DSCAM: variants seen among roughly 807,000 people sequenced by gnomAD.
The protein encoded by DSCAM is DS cell adhesion molecule.
DSCAM carries 47 observed loss-of-function variants against 217.7 expected under a neutral mutation model. That is an observed-to-expected ratio of 0.22 (90% CI 0.17 to 0.28). The LOEUF (loss-of-function observed/expected upper bound fraction) is 0.28. Among genes scored for constraint, DSCAM ranks in the 10% least tolerant of loss-of-function variants. The pLI, the probability that DSCAM is intolerant of heterozygous loss-of-function variation, is 1.00. For synonymous variants in DSCAM, 1,056 were observed against 1,015.3 expected (o/e 1.04, Z -0.76); for missense variants, 2,080 against 2,618.3 (o/e 0.79, Z 4.49).
chr21:40,137,362 G>A lies in DSCAM; in HGVS notation c.3407-3353C>T, dbSNP rs79588197. ...TTTTAAGATTTCTAAAACTACCTGA[G>A]CCACAGTTGGCTCTATCTGCTAGAA... On this transcript the variant is annotated intron_variant, in intron 18 of 32. Transcript: ENST00000400454. Among the ~76,000 whole-genome samples, 1,063 of 151,932 alleles carry A rather than the reference G, an allele frequency of 7.0e-3. 8 individuals carry two copies. Among genetic ancestry groups the A allele is most frequent in the African/African-American group, 0.024 (1,002 of 41,390 alleles).
chr21:40,551,329 A>G (rs564621994), intron 3 of DSCAM, among the ~76,000 whole-genome samples: 1 of 152,316 alleles, frequency 6.6e-6, no homozygotes, highest in African/African-American at 2.4e-5. Flanking sequence ...CTGATTGACA[A>G]TTGGTTGGAA....
chr21:40,586,134 G>C (rs191046427), intron 3 of DSCAM, among the ~76,000 whole-genome samples: 15 of 152,298 alleles, frequency 9.8e-5, no homozygotes, highest in African/African-American at 2.9e-4. Context: ...TGGGATTATA[G>C]ACATGAGCCA....
At chr21:40,595,270 C>G (rs1015652344) in intron 3 of DSCAM, among the ~76,000 whole-genome samples, 1 of 151,882 alleles carries the variant, frequency 6.6e-6, no homozygotes, top group South Asian at 2.1e-4. Flanking sequence ...CCCAGCTACT[C>G]AGGAGGCTGA....
At chr21:40,326,230 A>G (rs945959949) in intron 8 of DSCAM, among the ~76,000 whole-genome samples, 16 of 152,234 alleles carry the variant, frequency 1.1e-4, no homozygotes, top group Admixed American at 2.0e-4. Flanking sequence ...AAAAGTTGAC[A>G]AAACAAAAAC....
chr21:40,455,242 G>A (rs1005151840), intron 3 of DSCAM, among the ~76,000 whole-genome samples: 5 of 152,218 alleles, frequency 3.3e-5, no homozygotes, highest in East Asian at 1.9e-4. Context: ...TTATTGAGCC[G>A]ACGAATCATT....
chr21:40,301,613 T>A (rs2074015887), intron 9 of DSCAM, among the ~76,000 whole-genome samples: 1 of 152,236 alleles, frequency 6.6e-6, no homozygotes, highest in Non-Finnish European at 1.5e-5. Flanking sequence ...ATTACGCTCA[T>A]CTGGTATTGC....
chr21:40,846,861 G>T lies in DSCAM; in HGVS notation c.-200C>A, dbSNP rs190056196. 1,759 of 150,724 alleles carry T rather than the reference G, an allele frequency of 0.012. 34 individuals carry two copies. Among genetic ancestry groups the T allele is most frequent in the African/African-American group, 0.041 (1,680 of 41,116 alleles). The allele number at this position is 150,724 out of a possible 1,614,324, so 9.3% of individuals were successfully genotyped here. On this transcript the variant is annotated 5_prime_UTR_variant, in exon 1 of 33. Coordinates refer to ENST00000400454, the MANE Select transcript of DSCAM (RefSeq NM_001389.5). ...GGAGCGAGGGCTGCGCTCGCCGCGC[G>T]CTGCGCTCCTGCACACCTGCTCCCG...
At position 40,202,313 on chromosome 21, in the gene DSCAM, G is replaced by C. The variant is rs541371048; in HGVS notation, c.2357-13075C>G. Among the ~76,000 whole-genome samples, 3 of 152,288 alleles carry C rather than the reference G, an allele frequency of 2.0e-5. No individual in the cohort carries two copies. The South Asian group carries it at 6.2e-4, about 32-fold the overall frequency. ...TGTCTGAAGCCATGTTCTAACTTTT[G>C]AGCAGCTGCTTTATGTACAGCTGTT... On this transcript the variant is annotated intron_variant, in intron 11 of 32. Transcript: ENST00000400454.
rs114255483 is a variant in DSCAM, at chr21:40,768,872, G to A, written c.44-60101C>T. On this transcript the variant is annotated intron_variant, in intron 1 of 32. Transcript: ENST00000400454. ...GGGTATGGAAGATCTTATAGAACAAGAGGAAAAAACAAGGCATTTTCTTTG... is the reference window on the plus strand; with the variant it reads ...GGGTATGGAAGATCTTATAGAACAAAAGGAAAAAACAAGGCATTTTCTTTG... Among the ~76,000 whole-genome samples, 138 of 152,292 alleles carry A rather than the reference G, an allele frequency of 9.1e-4. 1 individual carries two copies. Among genetic ancestry groups the A allele is most frequent in the African/African-American group, 3.2e-3 (131 of 41,578 alleles).
At chr21:40,259,131 T>G (rs1170185695) in intron 11 of DSCAM, among the ~76,000 whole-genome samples, 3 of 152,240 alleles carry the variant, frequency 2.0e-5, no homozygotes, top group Non-Finnish European at 4.4e-5. Flanking sequence ...TACTCTGTGA[T>G]TTCATTTTCT....
Position 40,719,522 on chromosome 21 carries a change from G to A in DSCAM, c.44-10751C>T, listed in dbSNP as rs962925148. On this transcript the variant is annotated intron_variant, in intron 1 of 32. Coordinates refer to ENST00000400454, the MANE Select transcript of DSCAM (RefSeq NM_001389.5). ...GCTGGAATATCTACAGCAGCAACAC[G>A]TTGTAACAGTCACAAACTGAAAACT... 2.0e-5 allele frequency among the ~76,000 whole-genome samples: 3 copies of A among 152,158 alleles called. 1 individual carries two copies. Among genetic ancestry groups the A allele is most frequent in the Non-Finnish European group, 4.4e-5 (3 of 68,030 alleles).
chr21:40,177,807 G>A (rs1314215610), intron 15 of DSCAM, among the ~76,000 whole-genome samples: 1 of 152,208 alleles, frequency 6.6e-6, no homozygotes, highest in Non-Finnish European at 1.5e-5. Flanking sequence ...TTGGGATGCT[G>A]TTAATGAGGG....
intron 32 of DSCAM, among the ~76,000 whole-genome samples, chr21:40,031,790 G>A (rs975965454): frequency 3.9e-5 from 6 of 152,114 alleles, no homozygotes; most frequent in African/African-American, 1.4e-4. Context: ...AGGGCCTAAG[G>A]CATCCTGTAT....
intron 11 of DSCAM, among the ~76,000 whole-genome samples, chr21:40,262,052 G>GCTTTCTTTCTTTCTTT (rs917648677): frequency 3.3e-5 from 5 of 150,546 alleles, no homozygotes; most frequent in African/African-American, 1.2e-4. Flanking sequence ...TCTCCCTCTC[G>GCTTTCTTTCTTTCTTT]CTTTCTTTCT....
chr21:40,497,390 C>T (rs2076127298), intron 3 of DSCAM, among the ~76,000 whole-genome samples: 3 of 146,264 alleles, frequency 2.1e-5, no homozygotes, highest in African/African-American at 7.6e-5. Flanking sequence ...ACAAACACTG[C>T]TTGATCTCAT....
At chr21:40,778,652 A>C (rs1391875548) in intron 1 of DSCAM, among the ~76,000 whole-genome samples, 1 of 152,236 alleles carries the variant, frequency 6.6e-6, no homozygotes, top group Non-Finnish European at 1.5e-5. Context: ...CAAAGAAAGA[A>C]GGATGTATAA....
chr21:40,223,464 T>TA (rs1388303873), intron 11 of DSCAM, among the ~76,000 whole-genome samples: 6 of 152,100 alleles, frequency 3.9e-5, no homozygotes, highest in East Asian at 3.9e-4. Flanking sequence ...TAAACACAGG[T>TA]AAAAAAAGCT....
intron 8 of DSCAM, among the ~76,000 whole-genome samples, chr21:40,316,637 GAC>G (rs1044646642): frequency 2.0e-5 from 3 of 152,090 alleles, no homozygotes; most frequent in Non-Finnish European, 4.4e-5. Context: ...TCCTGAATAT[GAC>G]ACACACCGCT....
intron 3 of DSCAM, among the ~76,000 whole-genome samples, chr21:40,433,219 A>G (rs1028431192): frequency 6.6e-6 from 1 of 151,852 alleles, no homozygotes; most frequent in African/African-American, 2.4e-5. Context: ...TTAGCCGGGC[A>G]TGGTAGGTAG....
Sources: allele counts gnomAD v4.1 joint callset (sites outside exome capture counted in the v4.1 genomes callset), GRCh38; gene constraint gnomAD v4.1.1; transcripts MANE v1.5; gene names NCBI Gene and HGNC (gene_info 2026-07-23, HGNC 2026-07-21).